KIFAP3: variants seen among roughly 807,000 people sequenced by gnomAD.
KIFAP3 encodes kinesin-associated protein 3.
Under a neutral mutation model 106.5 loss-of-function variants are expected in KIFAP3, and 68 were observed. The observed-to-expected ratio is 0.64, with a 90% confidence interval of 0.53 to 0.78. The LOEUF (loss-of-function observed/expected upper bound fraction) is 0.78. Ranked by LOEUF, KIFAP3 falls within the 30% of genes least tolerant of loss-of-function variation. The probability of loss-of-function intolerance (pLI) is 0.00; values close to 1 mark genes in which losing one functional copy is unlikely to be tolerated. For missense variants in KIFAP3, 780 were observed against 941.8 expected (o/e 0.83, Z 2.25); for synonymous variants, 320 against 311.5 (o/e 1.03, Z -0.29).
upstream of KIFAP3, among the ~76,000 whole-genome samples, chr1:170,076,305 G>A (rs1401799976): frequency 6.6e-6 from 1 of 152,166 alleles, no homozygotes; most frequent in East Asian, 1.9e-4. Flanking sequence ...ATAGATAGCT[G>A]AAACTGGGAC....
intron 9 of KIFAP3, among the ~76,000 whole-genome samples, chr1:170,016,980 T>C (rs1346856450): frequency 2.6e-5 from 4 of 152,160 alleles, no homozygotes; most frequent in East Asian, 3.9e-4. Context: ...GAGATGAGGC[T>C]GGGCACAGTG....
At chr1:170,031,850 A>G (rs1455440952) in intron 8 of KIFAP3, 36 bp downstream of exon 8, 1 of 1,276,942 alleles carries the variant, frequency 7.8e-7, no homozygotes, top group Admixed American at 1.7e-5. Flanking sequence ...TGGAGTAAGT[A>G]CTTTGTTGCT....
At chr1:169,940,130 A>C (rs1571526803) in intron 19 of KIFAP3, among the ~76,000 whole-genome samples, 1 of 152,204 alleles carries the variant, frequency 6.6e-6, no homozygotes, top group Non-Finnish European at 1.5e-5. Flanking sequence ...TTTTGAAAAA[A>C]CTTCTTTCAT....
chr1:169,966,809 C>T (rs1455968039), intron 17 of KIFAP3, among the ~76,000 whole-genome samples: 3 of 151,700 alleles, frequency 2.0e-5, no homozygotes, highest in Admixed American at 6.6e-5. Flanking sequence ...AAAGTTTGCT[C>T]TAGTTTGTGA....
At chr1:169,948,099 C>T (rs1245380589) in intron 19 of KIFAP3, among the ~76,000 whole-genome samples, 1 of 151,212 alleles carries the variant, frequency 6.6e-6, no homozygotes, top group Non-Finnish European at 1.5e-5. Context: ...TTCATATGGA[C>T]AAATTCTTAG....
intron 19 of KIFAP3, among the ~76,000 whole-genome samples, chr1:169,936,744 T>C (rs79557363): frequency 0.018 from 2,795 of 151,564 alleles, 71 homozygotes; most frequent in African/African-American, 0.063. Context: ...GCATGCTCTT[T>C]ACAAAAAATG....
chr1:170,007,278 G>A (rs1668013092), intron 10 of KIFAP3, among the ~76,000 whole-genome samples: 1 of 151,746 alleles, frequency 6.6e-6, no homozygotes, highest in Non-Finnish European at 1.5e-5. Context: ...ACAGAAAGAG[G>A]AGAGAATAGA....
At chr1:169,982,218 C>A (rs1666560039) in intron 14 of KIFAP3, 121 bp from the exon 15 acceptor site, 1 of 997,310 alleles carries the variant, frequency 1.0e-6, no homozygotes, top group Admixed American at 2.6e-5. Context: ...TCATATGAAT[C>A]CTTGATATGC....
chr1:169,961,575 A>G (rs973827119), intron 17 of KIFAP3, among the ~76,000 whole-genome samples: 2 of 151,974 alleles, frequency 1.3e-5, no homozygotes, highest in African/African-American at 2.4e-5. Context: ...ATTAAAGTTG[A>G]CCTTAGAACA....
intron 8 of KIFAP3, among the ~76,000 whole-genome samples, chr1:170,027,616 T>A (rs1165014969): frequency 6.6e-6 from 1 of 152,068 alleles, no homozygotes; most frequent in Non-Finnish European, 1.5e-5. Flanking sequence ...TTAGTGAAAC[T>A]GAAGACATAA....
At chr1:170,003,414 C>T (rs1164195596) in intron 10 of KIFAP3, among the ~76,000 whole-genome samples, 2 of 152,178 alleles carry the variant, frequency 1.3e-5, no homozygotes, top group Non-Finnish European at 2.9e-5. Context: ...CAAATCCTCC[C>T]GGCCGTGTGA....
At chr1:169,928,160 C>T (rs1339337300) in intron 19 of KIFAP3, among the ~76,000 whole-genome samples, 5 of 151,198 alleles carry the variant, frequency 3.3e-5, no homozygotes, top group African/African-American at 7.3e-5. Flanking sequence ...AGTGCAGTGG[C>T]GTGATCTTGG....
chr1:170,008,038 A>C (rs1371609713), intron 10 of KIFAP3, among the ~76,000 whole-genome samples: 1 of 152,124 alleles, frequency 6.6e-6, no homozygotes, highest in Non-Finnish European at 1.5e-5. Context: ...CTATTTAATA[A>C]ATGGTGTTGG....
At chr1:169,996,397 C>T (rs1667374887) in intron 10 of KIFAP3, among the ~76,000 whole-genome samples, 1 of 152,170 alleles carries the variant, frequency 6.6e-6, no homozygotes, top group South Asian at 2.1e-4. Context: ...ACTAATCTTT[C>T]TTATACCACA....
chr1:170,041,949 G>C (rs1670003319), intron 3 of KIFAP3: 3 of 1,012,728 alleles, frequency 3.0e-6, no homozygotes, highest in Non-Finnish European at 4.0e-6. Flanking sequence ...ATGAAACCTG[G>C]TTTTAGAGTT....
intron 19 of KIFAP3, among the ~76,000 whole-genome samples, chr1:169,937,118 GAAT>G (rs1663852277): frequency 6.6e-6 from 1 of 151,158 alleles, no homozygotes; most frequent in African/African-American, 2.4e-5. Flanking sequence ...AAAGCTGAAA[GAAT>G]AATAAAGAGA....
intron 15 of KIFAP3, among the ~76,000 whole-genome samples, chr1:169,980,257 G>A (rs967241302): frequency 1.4e-4 from 21 of 152,124 alleles, no homozygotes; most frequent in East Asian, 1.4e-3. Flanking sequence ...TTACATATTT[G>A]AAAAGTCTAT....
At chr1:169,995,412 C>T (rs1452855399) in intron 10 of KIFAP3, among the ~76,000 whole-genome samples, 1 of 151,960 alleles carries the variant, frequency 6.6e-6, no homozygotes, top group Non-Finnish European at 1.5e-5. Flanking sequence ...GTTTCTCTTT[C>T]CCTGTGATTC....
chr1:170,005,987 TTTTCTCCCTCCTTATCATGAC>T (rs1260080245), intron 10 of KIFAP3, among the ~76,000 whole-genome samples: 1 of 152,160 alleles, frequency 6.6e-6, no homozygotes, highest in African/African-American at 2.4e-5. Context: ...TTTCCCTTCC[TTTTCTCCCTCCTTATCATGAC>T]TAACATTTGT....
Sources: gnomAD v4.1 joint callset for allele counts (sites outside exome capture counted in the v4.1 genomes callset) on GRCh38, gnomAD v4.1.1 for gene constraint, MANE v1.5 for transcripts, NCBI Gene and HGNC (gene_info 2026-07-23, HGNC 2026-07-21) for gene names.